PRORP: variants seen among roughly 807,000 people sequenced by gnomAD.
The protein encoded by PRORP is mitochondrial ribonuclease P catalytic subunit.
Under a neutral mutation model 59.4 loss-of-function variants are expected in PRORP, and 51 were observed. That is an observed-to-expected ratio of 0.86 (90% CI 0.69 to 1.08). The LOEUF is 1.08. Ranked by LOEUF, PRORP falls within the 50% of genes least tolerant of loss-of-function variation. The pLI, the probability that PRORP is intolerant of heterozygous loss-of-function variation, is 0.00. For missense variants in PRORP, 646 were observed against 690.3 expected (o/e 0.94, Z 0.72); for synonymous variants, 231 against 245.6 (o/e 0.94, Z 0.55).
Position 35,273,609 on chromosome 14 carries a change from A to T in PRORP, c.*43A>T. 6.3e-7 allele frequency: 1 copy of T among 1,586,410 alleles called. No individual in the cohort carries two copies. The highest frequency in any genetic ancestry group is 1.2e-5 in the South Asian group (1 of 86,266). Reference sequence around the variant, plus strand: ...CTAAGTTTGTGTTTGGGTACCCTCTAGGTTGGCATCAGAGGCTCTTGAGCT... The same window carrying T: ...CTAAGTTTGTGTTTGGGTACCCTCTTGGTTGGCATCAGAGGCTCTTGAGCT... On this transcript the variant is annotated 3_prime_UTR_variant, in exon 8 of 8. Transcript: ENST00000534898.
intron 4 of PRORP, among the ~76,000 whole-genome samples, chr14:35,179,259 C>G (rs535520470): frequency 6.6e-6 from 1 of 152,146 alleles, no homozygotes; most frequent in Non-Finnish European, 1.5e-5. Context: ...GTGGCATTCT[C>G]TGTATTTCCT....
intron 5 of PRORP, among the ~76,000 whole-genome samples, chr14:35,182,143 G>A (rs1461363993): frequency 2.0e-5 from 3 of 151,608 alleles, no homozygotes; most frequent in African/African-American, 7.3e-5. Flanking sequence ...GCGCACACCT[G>A]TAGTCCCAGC....
chr14:35,162,518 T>C (rs1357508181), intron 4 of PRORP, among the ~76,000 whole-genome samples: 2 of 152,156 alleles, frequency 1.3e-5, no homozygotes, highest in Non-Finnish European at 2.9e-5. Flanking sequence ...GCTCCTGTCT[T>C]GTCTGTTTTT....
At chr14:35,243,746 T>G (rs2050418222) in intron 5 of PRORP, among the ~76,000 whole-genome samples, 1 of 152,148 alleles carries the variant, frequency 6.6e-6, no homozygotes, top group Non-Finnish European at 1.5e-5. Flanking sequence ...TGTGGCTCAG[T>G]TTCCCCATAA....
chr14:35,174,731 TC>T (rs1488618560), intron 4 of PRORP, among the ~76,000 whole-genome samples: 1 of 125,500 alleles, frequency 8.0e-6, no homozygotes, highest in Non-Finnish European at 1.7e-5. Flanking sequence ...TTTTGACAGT[TC>T]ATTCTTCTTT....
intron 4 of PRORP, among the ~76,000 whole-genome samples, chr14:35,167,802 GA>G (rs1230208509): frequency 1.3e-5 from 2 of 152,132 alleles, no homozygotes; most frequent in African/African-American, 4.8e-5. Flanking sequence ...AATTCACAAA[GA>G]CCTTTCTCAC....
chr14:35,145,096 G>A (rs1203274575), intron 4 of PRORP, among the ~76,000 whole-genome samples: 1 of 144,630 alleles, frequency 6.9e-6, no homozygotes, highest in Non-Finnish European at 1.5e-5. Context: ...TTAGCCTCTT[G>A]AGTAGCTAAG....
At chr14:35,266,446 C>T (rs1335187562) in intron 5 of PRORP, among the ~76,000 whole-genome samples, 1 of 152,106 alleles carries the variant, frequency 6.6e-6, no homozygotes, top group Non-Finnish European at 1.5e-5. Context: ...TGCACCTGTG[C>T]ACTCCAGTCT....
intron 5 of PRORP, among the ~76,000 whole-genome samples, chr14:35,195,909 C>G (rs1422700110): frequency 3.9e-5 from 6 of 151,988 alleles, no homozygotes; most frequent in Non-Finnish European, 8.8e-5. Context: ...TTTAAATTAC[C>G]TAGTTATGAC....
intron 5 of PRORP, among the ~76,000 whole-genome samples, chr14:35,207,156 A>G (rs1446565508): frequency 6.6e-6 from 1 of 152,064 alleles, no homozygotes; most frequent in East Asian, 1.9e-4. Flanking sequence ...CTGTCAGGCC[A>G]TTTACCTGGC....
intron 4 of PRORP, among the ~76,000 whole-genome samples, chr14:35,131,837 C>CTTTCTTTT (rs929582144): frequency 1.3e-5 from 2 of 149,216 alleles, no homozygotes; most frequent in Non-Finnish European, 3.0e-5. Context: ...CTAGCCAATC[C>CTTTCTTTT]TTTCTTTTTT....
intron 5 of PRORP, among the ~76,000 whole-genome samples, chr14:35,257,964 CCCA>C (rs2050801095): frequency 6.6e-6 from 1 of 152,080 alleles, no homozygotes; most frequent in South Asian, 2.1e-4. Context: ...TTATTTCTAA[CCCA>C]TGTAGCCCTG....
intron 5 of PRORP, among the ~76,000 whole-genome samples, chr14:35,240,007 G>A (rs376704981): frequency 5.3e-5 from 8 of 151,850 alleles, no homozygotes; most frequent in South Asian, 2.1e-4. Context: ...CCTGGAAGGC[G>A]GAGGTTGCAG....
At chr14:35,214,379 A>T (rs1423617273) in intron 5 of PRORP, among the ~76,000 whole-genome samples, 4 of 152,216 alleles carry the variant, frequency 2.6e-5, no homozygotes, top group African/African-American at 9.6e-5. Context: ...CCAAACAAAT[A>T]TTGAGTGTAT....
chr14:35,218,382 G>C (rs2049662061), intron 5 of PRORP, among the ~76,000 whole-genome samples: 1 of 137,666 alleles, frequency 7.3e-6, no homozygotes, highest in South Asian at 2.4e-4. Flanking sequence ...GATCACTTGA[G>C]CCCAGGAGGT....
chr14:35,149,221 AT>A (rs990635950), intron 4 of PRORP, among the ~76,000 whole-genome samples: 40 of 146,448 alleles, frequency 2.7e-4, no homozygotes, highest in South Asian at 6.5e-4. Context: ...GCCCGGCCTA[AT>A]TTTTTTTTTT....
In PRORP at chr14:35,275,797, TAA is replaced by T. The variant is rs11294873; in HGVS notation, c.*2246_*2247del. The T allele has an allele frequency of 6.8e-3, 955 of 139,636 alleles. 3 individuals carry two copies. Among genetic ancestry groups the T allele is most frequent in the Middle Eastern group, 0.011 (3 of 280 alleles). 8.6% of individuals were successfully genotyped at this position (139,636 alleles called of 1,614,324 possible). ...GGCAACATAGCAAGACCCTGTCTCT[TAA>T]AAAAAAAAAAAAAAGACGGGAGAAG... On this transcript the variant is annotated 3_prime_UTR_variant, in exon 8 of 8. Transcript: ENST00000534898.
chr14:35,138,864 C>T (rs910829596), intron 4 of PRORP, among the ~76,000 whole-genome samples: 1 of 144,570 alleles, frequency 6.9e-6, no homozygotes, highest in African/African-American at 2.4e-5. Context: ...CATCTGGGCT[C>T]ACTGCACCCT....
At chr14:35,130,983 G>A (rs112976638) in intron 4 of PRORP, among the ~76,000 whole-genome samples, 4,784 of 150,978 alleles carry the variant, frequency 0.032, 261 homozygotes, top group African/African-American at 0.11. Flanking sequence ...TCACTCTGTC[G>A]CCCAGGCTGG....
Sources: gnomAD v4.1 joint callset for allele counts (sites outside exome capture counted in the v4.1 genomes callset) on GRCh38, gnomAD v4.1.1 for gene constraint, MANE v1.5 for transcripts, NCBI Gene and HGNC (gene_info 2026-07-23, HGNC 2026-07-21) for gene names.